The following SPSB1 variants were observed in gnomAD, a reference collection of about 807,000 sequenced individuals.
SPSB1 encodes the protein SPRY domain-containing SOCS box protein 1.
SPSB1 carries 8 observed loss-of-function variants against 21.2 expected under a neutral mutation model. The ratio of observed to expected loss-of-function variants is 0.38; its 90% CI spans 0.22 to 0.68. The LOEUF (loss-of-function observed/expected upper bound fraction) is 0.68, where lower values mean the gene tolerates loss of function less well. Ranked by LOEUF, SPSB1 falls within the 30% of genes least tolerant of loss-of-function variation. The probability of loss-of-function intolerance (pLI) is 0.53; values close to 1 mark genes in which losing one functional copy is unlikely to be tolerated. For missense variants in SPSB1, 242 were observed against 377.8 expected, an observed-to-expected ratio of 0.64 and a Z score of 2.98; for synonymous variants, 169 against 161.7, an observed-to-expected ratio of 1.05 and a Z score of -0.34.
chr1:9,345,721 G>T lies in SPSB1; in HGVS notation c.-149-10022G>T, dbSNP rs1640158555. Among the ~76,000 whole-genome samples, 1 of 152,212 alleles carries T rather than the reference G, an allele frequency of 6.6e-6. No homozygotes were observed. Among genetic ancestry groups the T allele is most frequent in the South Asian group, 2.1e-4 (1 of 4,832 alleles). On this transcript the variant is annotated intron_variant, in intron 1 of 2. Coordinates refer to ENST00000328089, the MANE Select transcript of SPSB1 (RefSeq NM_025106.4). The surrounding 1 kb of genome is among the most constrained non-coding windows in gnomAD (Gnocchi z 4.8). The stretch of plus-strand genomic sequence containing the variant: ...GCCCTTCCATAGGTGTTTACAGCAG[G>T]TGCATTTTGGGTCTTTTGAGGTCAG...
At chr1:9,322,116 A>G (rs1639730997) in intron 1 of SPSB1, among the ~76,000 whole-genome samples, 1 of 152,122 alleles carries the variant, frequency 6.6e-6, no homozygotes, top group Non-Finnish European at 1.5e-5. Context: ...TTAACGACCC[A>G]CATTCCCAGG....
intron 1 of SPSB1, among the ~76,000 whole-genome samples, chr1:9,318,238 G>T (rs923181230): frequency 2.0e-5 from 3 of 152,252 alleles, no homozygotes; most frequent in African/African-American, 7.2e-5. Context: ...CACGAATGCA[G>T]CCGGCAGCAG....
intron 2 of SPSB1, among the ~76,000 whole-genome samples, chr1:9,365,685 T>C (rs1365890998): frequency 6.6e-6 from 1 of 152,182 alleles, no homozygotes; most frequent in Non-Finnish European, 1.5e-5. Context: ...CTTCAGTAAT[T>C]GATTTTCGTA....
At chr1:9,327,481 G>A (rs1386221280) in intron 1 of SPSB1, among the ~76,000 whole-genome samples, 1 of 152,166 alleles carries the variant, frequency 6.6e-6, no homozygotes, top group South Asian at 2.1e-4. Flanking sequence ...CTGTGCCATG[G>A]GGAATGCACC....
intron 1 of SPSB1, among the ~76,000 whole-genome samples, chr1:9,350,603 C>T (rs892265077): frequency 1.3e-5 from 2 of 152,188 alleles, no homozygotes; most frequent in East Asian, 1.9e-4. Context: ...TGTAGGCATG[C>T]GTGCATGCGT....
rs146382820 is a variant in SPSB1, at chr1:9,352,580, G to A, written c.-149-3163G>A. Among the ~76,000 whole-genome samples the A allele has an allele frequency of 4.5e-3, 689 of 152,224 alleles. 5 individuals carry two copies. The highest frequency in any genetic ancestry group is 0.015 in the African/African-American group (640 of 41,522). ...CCATTTCAGAAAAAGCTGATCTCCG[G>A]TCTCGCTGAGACAGGCGTTCTGTGT... On this transcript the variant is annotated intron_variant, in intron 1 of 2. Transcript: ENST00000328089.
At chr1:9,299,144 T>G (rs1010013715) in intron 1 of SPSB1, among the ~76,000 whole-genome samples, 4 of 152,372 alleles carry the variant, frequency 2.6e-5, no homozygotes, top group Admixed American at 2.0e-4. Context: ...ACATCTCTGG[T>G]CCCTGCTACT....
chr1:9,298,925 G>T (rs566320361), intron 1 of SPSB1, among the ~76,000 whole-genome samples: 1 of 152,296 alleles, frequency 6.6e-6, no homozygotes, highest in South Asian at 2.1e-4. Flanking sequence ...CTCTGCCTGG[G>T]AAAATAGTAC....
At chr1:9,300,697 C>T (rs1639313678) in intron 1 of SPSB1, among the ~76,000 whole-genome samples, 1 of 152,186 alleles carries the variant, frequency 6.6e-6, no homozygotes, top group Non-Finnish European at 1.5e-5. Flanking sequence ...AGACATTGGG[C>T]ATGTGTGGCA....
chr1:9,298,121 T>C (rs1639255309), intron 1 of SPSB1, among the ~76,000 whole-genome samples: 1 of 152,200 alleles, frequency 6.6e-6, no homozygotes, highest in African/African-American at 2.4e-5. Flanking sequence ...GTCTGACTTG[T>C]GTGGATCTAT....
In SPSB1 at chr1:9,293,855, T is replaced by C. The variant is rs1639162366; in HGVS notation, c.-150+784T>C. 6.6e-6 allele frequency among the ~76,000 whole-genome samples: 1 copy of C among 152,054 alleles called. No homozygotes were observed. The highest frequency in any genetic ancestry group is 2.4e-5 in the African/African-American group (1 of 41,390). On this transcript the variant is annotated intron_variant, in intron 1 of 2. Transcript: ENST00000328089. The surrounding 1 kb of genome is among the most constrained non-coding windows in gnomAD (Gnocchi z 5.1). ...GAGCGGGTGTCTCTGAGAGTGCATC[T>C]GCGTGTGTGTTTGTGCATGTCCTTG...
At chr1:9,300,625 G>A (rs1639312397) in intron 1 of SPSB1, among the ~76,000 whole-genome samples, 2 of 152,208 alleles carry the variant, frequency 1.3e-5, no homozygotes, top group South Asian at 2.1e-4. Flanking sequence ...CCACGAAGTT[G>A]CCATGTGACC....
At chr1:9,303,021 T>C (rs942480238) in intron 1 of SPSB1, among the ~76,000 whole-genome samples, 1 of 151,904 alleles carries the variant, frequency 6.6e-6, no homozygotes, top group African/African-American at 2.4e-5. Context: ...GAACGGGGGG[T>C]AAGGCTGCCA....
At chr1:9,294,234 G>T (rs967430682) in intron 1 of SPSB1, among the ~76,000 whole-genome samples, 8 of 151,328 alleles carry the variant, frequency 5.3e-5, no homozygotes, top group African/African-American at 1.9e-4. Context: ...GCGTGTGTGT[G>T]TCTTTGTGTC....
chr1:9,353,221 C>A (rs1169518445), intron 1 of SPSB1, among the ~76,000 whole-genome samples: 2 of 152,024 alleles, frequency 1.3e-5, no homozygotes, highest in Non-Finnish European at 2.9e-5. Context: ...CGCCTCGGCC[C>A]TCCCAGCCTT....
At chr1:9,341,342 C>T (rs538463845) in intron 1 of SPSB1, among the ~76,000 whole-genome samples, 32 of 152,190 alleles carry the variant, frequency 2.1e-4, no homozygotes, top group East Asian at 5.8e-4. Flanking sequence ...GTAGAACCTC[C>T]GCCAGCAGCC....
Position 9,336,987 on chromosome 1 carries a change from C to G in SPSB1, c.-149-18756C>G, listed in dbSNP as rs561497448. Among the ~76,000 whole-genome samples the G allele has an allele frequency of 3.9e-5, 6 of 152,230 alleles. No homozygotes were observed. In the East Asian group the frequency reaches 1.2e-3, roughly 29 times the overall value. ...ACAGTGCTGGGGCCTGACTCCCTATCGTGGCATTCAAGGCCCTTGGCATCT... is the reference window on the plus strand; with the variant it reads ...ACAGTGCTGGGGCCTGACTCCCTATGGTGGCATTCAAGGCCCTTGGCATCT... On this transcript the variant is annotated intron_variant, in intron 1 of 2. Coordinates refer to ENST00000328089, the MANE Select transcript of SPSB1 (RefSeq NM_025106.4).
intron 1 of SPSB1, among the ~76,000 whole-genome samples, chr1:9,299,566 G>A (rs994897055): frequency 2.8e-4 from 43 of 151,906 alleles, no homozygotes; most frequent in Admixed American, 9.2e-4. Flanking sequence ...TGCAACCTCC[G>A]CCTCCCGGGT....
chr1:9,361,164 T>TTTTTCTTTTTTTTC (rs1557467311), intron 2 of SPSB1, among the ~76,000 whole-genome samples: 8 of 137,130 alleles, frequency 5.8e-5, no homozygotes, highest in African/African-American at 2.2e-4. Flanking sequence ...TTCTTTTTTT[T>TTTTTCTTTTTTTTC]TTTTTTTTTT....
Sources: allele counts gnomAD v4.1 joint callset (sites outside exome capture counted in the v4.1 genomes callset), GRCh38; gene constraint gnomAD v4.1.1; non-coding constraint Gnocchi (gnomAD v3.1); transcripts MANE v1.5; gene names NCBI Gene and HGNC (gene_info 2026-07-23, HGNC 2026-07-21).